MYRIP: variants seen among roughly 807,000 people sequenced by gnomAD.
MYRIP encodes rab effector MyRIP.
Under a neutral mutation model 98.0 loss-of-function variants are expected in MYRIP, and 49 were observed. That is an observed-to-expected ratio of 0.50 (90% CI 0.40 to 0.63). MYRIP has a LOEUF of 0.63. Ranked by LOEUF, MYRIP falls within the 30% of genes least tolerant of loss-of-function variation. The pLI is 0.00. For synonymous variants in MYRIP, 404 were observed against 409.5 expected, an observed-to-expected ratio of 0.99 and a Z score of 0.16; for missense variants, 1,004 against 1,058.2, an observed-to-expected ratio of 0.95 and a Z score of 0.71.
At chr3:39,964,697 C>A (rs1393362516) in intron 2 of MYRIP, among the ~76,000 whole-genome samples, 1 of 152,020 alleles carries the variant, frequency 6.6e-6, no homozygotes, top group Admixed American at 6.6e-5. Flanking sequence ...GAGCTTTTGG[C>A]CTTTCACAAA....
At chr3:39,810,075 G>A (rs1388715632) in intron 1 of MYRIP, among the ~76,000 whole-genome samples, 159 bp downstream of exon 1, 2 of 152,224 alleles carry the variant, frequency 1.3e-5, no homozygotes, top group African/African-American at 2.4e-5. Context: ...CCCTAGGCGC[G>A]GCCAGTCAGC....
At chr3:39,901,132 G>A (rs1052035135) in intron 2 of MYRIP, among the ~76,000 whole-genome samples, 1 of 152,228 alleles carries the variant, frequency 6.6e-6, no homozygotes, top group Non-Finnish European at 1.5e-5. Flanking sequence ...TCAGGGTTTT[G>A]TTGGGACTTC....
chr3:39,953,968 G>A (rs773395093), intron 2 of MYRIP, among the ~76,000 whole-genome samples: 7 of 152,268 alleles, frequency 4.6e-5, no homozygotes, highest in South Asian at 2.1e-4. Context: ...GGAGAGGGGC[G>A]TCCACCATTA....
At chr3:39,898,460 G>C (rs986786184) in intron 1 of MYRIP, among the ~76,000 whole-genome samples, 1 of 152,032 alleles carries the variant, frequency 6.6e-6, no homozygotes, top group Non-Finnish European at 1.5e-5. Flanking sequence ...CTTTTAAATA[G>C]CAACCATGCT....
intron 2 of MYRIP, among the ~76,000 whole-genome samples, chr3:39,985,805 A>G (rs1296601513): frequency 6.6e-6 from 1 of 152,028 alleles, no homozygotes; most frequent in Non-Finnish European, 1.5e-5. Flanking sequence ...ACCAAAATCA[A>G]TTCAAGATGG....
chr3:40,019,756 T>G (rs942657915), intron 2 of MYRIP, among the ~76,000 whole-genome samples: 12 of 139,728 alleles, frequency 8.6e-5, no homozygotes, highest in Admixed American at 1.4e-4. Context: ...ATAAAATGTG[T>G]TTTTTTTTTA....
chr3:40,065,347 T>C (rs1226448509), intron 3 of MYRIP, among the ~76,000 whole-genome samples: 2 of 152,182 alleles, frequency 1.3e-5, no homozygotes, highest in African/African-American at 4.8e-5. Context: ...AATGACCCTA[T>C]TTCCAAATAA....
chr3:40,252,637 A>T (rs1953412506), intron 16 of MYRIP, among the ~76,000 whole-genome samples: 1 of 152,204 alleles, frequency 6.6e-6, no homozygotes, highest in Non-Finnish European at 1.5e-5. Flanking sequence ...AGTCCCCCGA[A>T]ACCAGATGAA....
intron 1 of MYRIP, among the ~76,000 whole-genome samples, chr3:39,892,088 C>A (rs1287549147): frequency 1.3e-5 from 2 of 151,972 alleles, no homozygotes; most frequent in East Asian, 3.8e-4. Context: ...TAAAATAATT[C>A]TATTTTCATT....
At chr3:40,046,174 T>C (rs1947664718) in intron 3 of MYRIP, among the ~76,000 whole-genome samples, 1 of 151,976 alleles carries the variant, frequency 6.6e-6, no homozygotes, top group African/African-American at 2.4e-5. Flanking sequence ...CAAGTTTTTC[T>C]GAAATGAGAA....
chr3:40,079,596 A>G (rs2125868162), intron 3 of MYRIP, among the ~76,000 whole-genome samples: 1 of 152,344 alleles, frequency 6.6e-6, no homozygotes, highest in South Asian at 2.1e-4. Context: ...AAAGCAATGA[A>G]TGTCGAAGTT....
At chr3:40,069,679 A>G (rs1052113776) in intron 3 of MYRIP, among the ~76,000 whole-genome samples, 1 of 152,190 alleles carries the variant, frequency 6.6e-6, no homozygotes, top group African/African-American at 2.4e-5. Context: ...GTGGAATCAT[A>G]CAGTAGTTTG....
chr3:40,151,509 G>C (rs1213902331), intron 4 of MYRIP, among the ~76,000 whole-genome samples: 2 of 152,130 alleles, frequency 1.3e-5, no homozygotes, highest in Non-Finnish European at 2.9e-5. Flanking sequence ...TAAAACGTTG[G>C]AAAGTCATTT....
chr3:39,933,159 G>A (rs923236623), intron 2 of MYRIP, among the ~76,000 whole-genome samples: 46 of 152,184 alleles, frequency 3.0e-4, no homozygotes, highest in African/African-American at 1.1e-3. Flanking sequence ...AGAACCTTTC[G>A]TGCAGGGTTT....
rs558489618 is a variant in MYRIP, at chr3:39,837,760, A to G, written c.-31+27844A>G. Among the ~76,000 whole-genome samples, 58 of 152,328 alleles carry G rather than the reference A, an allele frequency of 3.8e-4. 1 individual carries two copies. Among genetic ancestry groups the G allele is most frequent in the African/African-American group, 1.3e-3 (55 of 41,584 alleles). ...TTTTCTAATTTTATGAAGAAAGCCA[A>G]TGGTAGCTTGATGGGAATGGCATTG... is the stretch of plus-strand genomic sequence containing the variant. On this transcript the variant is annotated intron_variant, in intron 1 of 16. Coordinates refer to ENST00000302541, the MANE Select transcript of MYRIP (RefSeq NM_015460.4).
At chr3:39,879,180 T>C (rs1575336248) in intron 1 of MYRIP, among the ~76,000 whole-genome samples, 3 of 151,930 alleles carry the variant, frequency 2.0e-5, no homozygotes, top group Admixed American at 2.0e-4. Flanking sequence ...TAGTTTTAAA[T>C]ATGAAGAACA....
At chr3:40,037,352 T>C (rs1268785485) in intron 2 of MYRIP, among the ~76,000 whole-genome samples, 1 of 152,088 alleles carries the variant, frequency 6.6e-6, no homozygotes, top group African/African-American at 2.4e-5. Flanking sequence ...GCAAGGGAGA[T>C]ATATAGCCTT....
At chr3:40,229,387 T>C (rs1420879629) in intron 11 of MYRIP, among the ~76,000 whole-genome samples, 2 of 152,146 alleles carry the variant, frequency 1.3e-5, no homozygotes, top group African/African-American at 2.4e-5. Flanking sequence ...AGAGTTGAGA[T>C]GAATTGCGCA....
At position 39,924,207 on chromosome 3, in the gene MYRIP, C is replaced by T. The variant is rs74659918; in HGVS notation, c.110+23281C>T. Among the ~76,000 whole-genome samples, 977 of 152,068 alleles carry T rather than the reference C, an allele frequency of 6.4e-3. 14 individuals are homozygous for T. The highest frequency in any genetic ancestry group is 0.023 in the African/African-American group (945 of 41,528). ...AAATTAGCAAAGTGGATTTAAAAAA[C>T]ATATCCTAGTCATATGCTATTTACA... On this transcript the variant is annotated intron_variant, in intron 2 of 16. Coordinates refer to ENST00000302541, the MANE Select transcript of MYRIP (RefSeq NM_015460.4).
Sources: allele counts gnomAD v4.1 joint callset (sites outside exome capture counted in the v4.1 genomes callset), GRCh38; gene constraint gnomAD v4.1.1; transcripts MANE v1.5; gene names NCBI Gene and HGNC (gene_info 2026-07-23, HGNC 2026-07-21).